The following EPHB1 variants were observed in gnomAD, a reference collection of about 807,000 sequenced individuals.
The protein encoded by EPHB1 is ephrin type-B receptor 1.
In EPHB1, 30 loss-of-function variants were observed where a neutral mutation model predicts 94.4. The ratio of observed to expected loss-of-function variants is 0.32; its 90% confidence interval spans 0.24 to 0.43. The LOEUF is 0.43. Among genes scored for constraint, EPHB1 ranks in the 20% least tolerant of loss-of-function variants. EPHB1 has a pLI of 1.00. For synonymous variants in EPHB1, 522 were observed against 489.1 expected (o/e 1.07, Z -0.89); for missense variants, 1,055 against 1,308.3 (o/e 0.81, Z 2.99).
chr3:135,069,169 A>AT (rs947156396), intron 3 of EPHB1, among the ~76,000 whole-genome samples: 3 of 151,154 alleles, frequency 2.0e-5, no homozygotes, highest in Non-Finnish European at 4.4e-5. Flanking sequence ...TGATTTTTAA[A>AT]TTTTTTTTAT....
At chr3:134,990,171 A>G (rs549533034) in intron 3 of EPHB1, among the ~76,000 whole-genome samples, 2 of 152,302 alleles carry the variant, frequency 1.3e-5, no homozygotes, top group East Asian at 3.9e-4. Context: ...CTGAGATTCT[A>G]GTACATTCAG....
At chr3:135,109,409 A>T (rs766961209) in intron 4 of EPHB1, among the ~76,000 whole-genome samples, 3 of 152,228 alleles carry the variant, frequency 2.0e-5, no homozygotes, top group Admixed American at 1.3e-4. Flanking sequence ...CTGAGTTATT[A>T]TGAGGATTCA....
At chr3:135,211,116 T>G (rs1943022637) in intron 12 of EPHB1, among the ~76,000 whole-genome samples, 1 of 152,232 alleles carries the variant, frequency 6.6e-6, no homozygotes, top group South Asian at 2.1e-4. Context: ...GCATATATAA[T>G]ATATACGTCT....
chr3:134,849,147 G>A (rs544667450), intron 1 of EPHB1, among the ~76,000 whole-genome samples: 6 of 152,340 alleles, frequency 3.9e-5, no homozygotes, highest in African/African-American at 9.6e-5. Flanking sequence ...GGAGTTCCAC[G>A]GCCCTTAACC....
rs76586420 is a variant in EPHB1, at chr3:134,799,502, G to T, written c.58+3813G>T. ...TTGTGGAGCTGCCTCCTCAAGCCAC[G>T]CATGGAATGCTGGCGAGGGAGGGCA... is the stretch of plus-strand genomic sequence containing the variant. On this transcript the variant is annotated intron_variant, in intron 1 of 15. Transcript: ENST00000398015. Among the ~76,000 whole-genome samples the T allele has an allele frequency of 2.6e-5, 4 of 152,184 alleles. 1 individual carries two copies. Among genetic ancestry groups the T allele is most frequent in the African/African-American group, 7.2e-5 (3 of 41,414 alleles).
intron 3 of EPHB1, among the ~76,000 whole-genome samples, chr3:134,966,024 A>G (rs1273786771): frequency 6.6e-6 from 1 of 152,186 alleles, no homozygotes; most frequent in South Asian, 2.1e-4. Flanking sequence ...TCAGGCCACA[A>G]AGAGCTCTGT....
chr3:135,081,334 A>T (rs1938156649), intron 3 of EPHB1, among the ~76,000 whole-genome samples: 1 of 152,220 alleles, frequency 6.6e-6, no homozygotes, highest in Non-Finnish European at 1.5e-5. Flanking sequence ...GAGGGTGTTT[A>T]TGTAAAAATA....
In EPHB1 at chr3:135,158,195, T is replaced by A. The variant is rs1369083664; in HGVS notation, c.1423-3823T>A. On this transcript the variant is annotated intron_variant, in intron 6 of 15. Transcript: ENST00000398015. Reference sequence around the variant, plus strand: ...GGTCTTTAGAAGATGTAAACACAAATAGAATTCAGCACAGTAGATGTCTTG... The same window carrying A: ...GGTCTTTAGAAGATGTAAACACAAAAAGAATTCAGCACAGTAGATGTCTTG... 2.0e-5 allele frequency among the ~76,000 whole-genome samples: 3 copies of A among 152,324 alleles called. No individual in the cohort carries two copies. The South Asian group carries it at 6.2e-4, about 32-fold the overall frequency.
In EPHB1 at chr3:135,079,115, A is replaced by C. The variant is rs150961747; in HGVS notation, c.806-27333A>C. Among the ~76,000 whole-genome samples the C allele has an allele frequency of 1.7e-3, 260 of 149,560 alleles. 4 individuals are homozygous for C. Among genetic ancestry groups the C allele is most frequent in the African/African-American group, 6.3e-3 (249 of 39,280 alleles). On this transcript the variant is annotated intron_variant, in intron 3 of 15. Transcript: ENST00000398015. ...AAAAAAACAAAACAAACAAACAAGC[A>C]AAAACCCCCAAAAACCAAAGAAACA...
intron 5 of EPHB1, among the ~76,000 whole-genome samples, chr3:135,138,221 CT>C (rs1424781395): frequency 6.6e-6 from 1 of 152,156 alleles, no homozygotes; most frequent in Non-Finnish European, 1.5e-5. Flanking sequence ...CCATTATTTA[CT>C]TTTCTTTTAA....
chr3:135,145,545 TC>T (rs1379421050), intron 5 of EPHB1, among the ~76,000 whole-genome samples: 1 of 152,222 alleles, frequency 6.6e-6, no homozygotes, highest in Non-Finnish European at 1.5e-5. Flanking sequence ...CCAGAGCAGC[TC>T]TGCATTGTTC....
intron 1 of EPHB1, among the ~76,000 whole-genome samples, chr3:134,811,462 C>T (rs1420118542): frequency 1.3e-5 from 2 of 152,096 alleles, no homozygotes; most frequent in Admixed American, 6.5e-5. Flanking sequence ...TGGTCTTGAA[C>T]TCCTGACCTC....
rs188156756 is a variant in EPHB1, at chr3:134,826,618, T to C, written c.58+30929T>C. On this transcript the variant is annotated intron_variant, in intron 1 of 15. Transcript: ENST00000398015. Reference sequence around the variant, plus strand: ...TTAAAGCCCCTTGGAAATATAAAGGTTGTCTAAATAATAAATCATCATTTT... The same window carrying C: ...TTAAAGCCCCTTGGAAATATAAAGGCTGTCTAAATAATAAATCATCATTTT... Among the ~76,000 whole-genome samples the C allele has an allele frequency of 7.6e-4, 116 of 152,306 alleles. 1 individual carries two copies. The South Asian group carries it at 0.016, about 21-fold the overall frequency.
At chr3:135,109,918 G>T (rs1412864834) in intron 4 of EPHB1, among the ~76,000 whole-genome samples, 1 of 152,238 alleles carries the variant, frequency 6.6e-6, no homozygotes, top group Non-Finnish European at 1.5e-5. Flanking sequence ...GGGCCAGATG[G>T]CAAGGGAGAC....
intron 1 of EPHB1, among the ~76,000 whole-genome samples, chr3:134,813,286 C>T (rs2036210017): frequency 6.6e-6 from 1 of 152,134 alleles, no homozygotes; most frequent in African/African-American, 2.4e-5. Context: ...CCTCCAGTTC[C>T]AATCTCATCT....
intron 1 of EPHB1, among the ~76,000 whole-genome samples, chr3:134,824,838 A>C (rs1364876581): frequency 6.6e-6 from 1 of 152,002 alleles, no homozygotes; most frequent in Non-Finnish European, 1.5e-5. Flanking sequence ...GACAGCCAGC[A>C]CCAACTGCCA....
At chr3:134,886,274 G>A (rs1486306731) in intron 1 of EPHB1, among the ~76,000 whole-genome samples, 1 of 152,046 alleles carries the variant, frequency 6.6e-6, no homozygotes, top group Non-Finnish European at 1.5e-5. Flanking sequence ...TGCCCCAAGG[G>A]GATTATAACC....
At chr3:134,818,647 A>G (rs539777228) in intron 1 of EPHB1, among the ~76,000 whole-genome samples, 2 of 152,354 alleles carry the variant, frequency 1.3e-5, no homozygotes, top group East Asian at 3.9e-4. Context: ...CTTCACTTAG[A>G]ATAATAGTCT....
At chr3:135,017,789 A>C (rs996014422) in intron 3 of EPHB1, among the ~76,000 whole-genome samples, 24 of 152,126 alleles carry the variant, frequency 1.6e-4, no homozygotes, top group African/African-American at 5.5e-4. Flanking sequence ...TTAGAGGCTG[A>C]GTGTGTTGGG....
Sources: gnomAD v4.1 joint callset for allele counts (sites outside exome capture counted in the v4.1 genomes callset) on GRCh38, gnomAD v4.1.1 for gene constraint, MANE v1.5 for transcripts, NCBI Gene and HGNC (gene_info 2026-07-23, HGNC 2026-07-21) for gene names.